RAPGEF5: variants seen among roughly 807,000 people sequenced by gnomAD.
RAPGEF5 encodes M-Ras-regulated GEF.
In RAPGEF5, 65 loss-of-function variants were observed where a neutral mutation model predicts 125.2. The ratio of observed to expected loss-of-function variants is 0.52; its 90% CI spans 0.43 to 0.64. RAPGEF5 has a LOEUF of 0.64. RAPGEF5 is among the 30% of genes least tolerant of loss of function. The pLI, the probability that RAPGEF5 is intolerant of heterozygous loss-of-function variation, is 0.00. For synonymous variants in RAPGEF5, 391 were observed against 385.9 expected (o/e 1.01, Z -0.16); for missense variants, 958 against 1,048.1 (o/e 0.91, Z 1.19).
chr7:22,219,395 T>C (rs1785722658), intron 9 of RAPGEF5, among the ~76,000 whole-genome samples: 1 of 151,392 alleles, frequency 6.6e-6, no homozygotes, highest in Non-Finnish European at 1.5e-5. Flanking sequence ...CCCTCCCACT[T>C]GGTGAGAGCA....
chr7:22,288,369 C>A (rs113979729), intron 6 of RAPGEF5, among the ~76,000 whole-genome samples: 78 of 152,266 alleles, frequency 5.1e-4, no homozygotes, highest in African/African-American at 1.8e-3. Flanking sequence ...TCAAATGCAA[C>A]ATATCCCCCA....
intron 1 of RAPGEF5, among the ~76,000 whole-genome samples, chr7:22,337,073 A>G (rs546450728): frequency 2.5e-4 from 38 of 152,242 alleles, no homozygotes; most frequent in Non-Finnish European, 5.1e-4. Context: ...ATGGCAATAC[A>G]GAAAGAGTAT....
intron 9 of RAPGEF5, among the ~76,000 whole-genome samples, chr7:22,209,515 T>TC (rs549414556): frequency 1.2e-3 from 181 of 152,138 alleles, no homozygotes; most frequent in Non-Finnish European, 2.3e-3. Context: ...CAACTATCCT[T>TC]CCCCCCCACC....
At chr7:22,295,765 T>TA (rs568033391) in intron 5 of RAPGEF5, among the ~76,000 whole-genome samples, 46 of 144,436 alleles carry the variant, frequency 3.2e-4, no homozygotes, top group African/African-American at 6.1e-4. Context: ...TGAAAAATAC[T>TA]AAAAAAAAAA....
chr7:22,285,923 A>T (rs1450204092), intron 6 of RAPGEF5, among the ~76,000 whole-genome samples: 1 of 152,212 alleles, frequency 6.6e-6, no homozygotes. Flanking sequence ...AGAACCATAC[A>T]AATAGAAACA....
chr7:22,278,711 T>G (rs1420382062), intron 6 of RAPGEF5, among the ~76,000 whole-genome samples: 1 of 150,034 alleles, frequency 6.7e-6, no homozygotes, highest in East Asian at 1.9e-4. Context: ...CCAGAAATAA[T>G]AAAAAGGTCA....
At chr7:22,123,564 T>A (rs1782647841) in intron 25 of RAPGEF5, among the ~76,000 whole-genome samples, 1 of 152,176 alleles carries the variant, frequency 6.6e-6, no homozygotes, top group Non-Finnish European at 1.5e-5. Context: ...TGAAACCCCC[T>A]TTTTTCTCCT....
At chr7:22,236,724 T>C (rs1786199868) in intron 7 of RAPGEF5, among the ~76,000 whole-genome samples, 1 of 151,846 alleles carries the variant, frequency 6.6e-6, no homozygotes, top group African/African-American at 2.4e-5. Flanking sequence ...ATTGCCGGAG[T>C]TCCATCCCCA....
chr7:22,148,225 C>A (rs1019253307), intron 18 of RAPGEF5, among the ~76,000 whole-genome samples: 8 of 152,116 alleles, frequency 5.3e-5, no homozygotes, highest in Non-Finnish European at 1.2e-4. Flanking sequence ...TAAGAAAGAC[C>A]CAGAGTGAGG....
intron 1 of RAPGEF5, among the ~76,000 whole-genome samples, chr7:22,319,506 A>T (rs1783670466): frequency 6.6e-6 from 1 of 152,228 alleles, no homozygotes; most frequent in African/African-American, 2.4e-5. Context: ...TGATTCAAAG[A>T]AAATAAATTT....
chr7:22,351,394 T>A (rs1031769293), intron 1 of RAPGEF5, among the ~76,000 whole-genome samples: 13 of 152,238 alleles, frequency 8.5e-5, no homozygotes, highest in Non-Finnish European at 4.4e-5. Context: ...GCAGGTACTA[T>A]AAGGCTATCA....
At chr7:22,250,860 C>A (rs114660106) in intron 7 of RAPGEF5, among the ~76,000 whole-genome samples, 1 of 152,042 alleles carries the variant, frequency 6.6e-6, no homozygotes, top group Admixed American at 6.5e-5. Flanking sequence ...CTCTAGTCAT[C>A]GACCAAGCCT....
At chr7:22,211,740 TTTCC>T (rs10541996) in intron 9 of RAPGEF5, among the ~76,000 whole-genome samples, 59,092 of 151,410 alleles carry the variant, frequency 0.39, 11,749 homozygotes, top group Admixed American at 0.47. Context: ...TCTAATCATT[TTTCC>T]TTCCTTCTTG....
intron 1 of RAPGEF5, 115 bp downstream of exon 1, chr7:22,356,715 C>T: frequency 4.3e-6 from 2 of 470,278 alleles, no homozygotes; most frequent in Non-Finnish European, 5.8e-6. Context: ...GGCAGAAGGG[C>T]GTCCCTTCCG....
intron 7 of RAPGEF5, among the ~76,000 whole-genome samples, chr7:22,261,575 G>A (rs1782156296): frequency 1.3e-5 from 2 of 152,186 alleles, no homozygotes; most frequent in Admixed American, 1.3e-4. Context: ...GCTGTGAGCT[G>A]TGACTGCGCC....
chr7:22,145,963 T>TGTGC (rs1234828860), intron 19 of RAPGEF5, among the ~76,000 whole-genome samples: 3 of 146,866 alleles, frequency 2.0e-5, no homozygotes, highest in Admixed American at 6.7e-5. Flanking sequence ...AATGTGTTTG[T>TGTGC]GTGCGTGTGT....
chr7:22,212,702 T>C (rs376458146), intron 9 of RAPGEF5, among the ~76,000 whole-genome samples: 77 of 152,346 alleles, frequency 5.1e-4, no homozygotes, highest in African/African-American at 1.8e-3. Flanking sequence ...AACACCAGCC[T>C]GACAAAAGTT....
chr7:22,205,074 A>C (rs1340342619), intron 9 of RAPGEF5, among the ~76,000 whole-genome samples: 1 of 152,226 alleles, frequency 6.6e-6, no homozygotes, highest in Non-Finnish European at 1.5e-5. Context: ...TATGAAAAAC[A>C]AATTCTCTTT....
chr7:22,268,637 C>G (rs1782342906), intron 6 of RAPGEF5, among the ~76,000 whole-genome samples: 1 of 152,062 alleles, frequency 6.6e-6, no homozygotes, highest in Non-Finnish European at 1.5e-5. Flanking sequence ...CTATGATCTC[C>G]CAGGGAAAAC....
Sources: allele counts gnomAD v4.1 joint callset (sites outside exome capture counted in the v4.1 genomes callset), GRCh38; gene constraint gnomAD v4.1.1; transcripts MANE v1.5; gene names NCBI Gene and HGNC (gene_info 2026-07-23, HGNC 2026-07-21).